Variants in CACNA1A observed in about 807,000 individuals in gnomAD.
CACNA1A encodes the protein voltage-dependent P/Q-type calcium channel subunit alpha-1A.
Under a neutral mutation model 262.4 loss-of-function variants are expected in CACNA1A, and 57 were observed. The ratio of observed to expected loss-of-function variants is 0.22; its 90% CI spans 0.18 to 0.27. The LOEUF (loss-of-function observed/expected upper bound fraction) is 0.27. CACNA1A is among the 10% of genes least tolerant of loss of function. The pLI is 1.00. For missense variants in CACNA1A, 2,526 were observed against 3,562.8 expected (o/e 0.71, Z 7.41); for synonymous variants, 1,431 against 1,419.3 (o/e 1.01, Z -0.18).
chr19:13,323,835 A>G (rs2058303092), intron 10 of CACNA1A, among the ~76,000 whole-genome samples: 1 of 152,154 alleles, frequency 6.6e-6, no homozygotes, highest in African/African-American at 2.4e-5. Flanking sequence ...TGTCCAAAAA[A>G]TCATTCCCGA....
chr19:13,504,334 G>A (rs1982756867), intron 1 of CACNA1A, among the ~76,000 whole-genome samples: 1 of 152,116 alleles, frequency 6.6e-6, no homozygotes, highest in South Asian at 2.1e-4. Flanking sequence ...GGGCACCAAC[G>A]GAGATGGCAT....
chr19:13,231,962 A>G, intron 34 of CACNA1A, 102 bp from the exon 35 acceptor site: 1 of 1,254,030 alleles, frequency 8.0e-7, no homozygotes, highest in Non-Finnish European at 1.1e-6. Context: ...TGGGCTCTGG[A>G]GCTGGCCAGG....
At chr19:13,216,140 C>A (rs2055002382) in intron 38 of CACNA1A, among the ~76,000 whole-genome samples, 1 of 151,950 alleles carries the variant, frequency 6.6e-6, no homozygotes, top group South Asian at 2.1e-4. Flanking sequence ...TGCCCTTGGC[C>A]TGCAGCCAGT....
intron 6 of CACNA1A, among the ~76,000 whole-genome samples, chr19:13,358,835 G>C (rs2059052371): frequency 6.6e-6 from 1 of 152,194 alleles, no homozygotes; most frequent in East Asian, 1.9e-4. Context: ...CACTTTGGAA[G>C]GTCAGGGTGG....
chr19:13,504,652 C>G (rs934599061), intron 1 of CACNA1A, among the ~76,000 whole-genome samples: 1 of 152,156 alleles, frequency 6.6e-6, no homozygotes, highest in African/African-American at 2.4e-5. Flanking sequence ...CCATCCAGCC[C>G]GTTCATTTTT....
chr19:13,240,033 C>T (rs1438883877), intron 31 of CACNA1A, among the ~76,000 whole-genome samples: 1 of 151,904 alleles, frequency 6.6e-6, no homozygotes, highest in Non-Finnish European at 1.5e-5. Flanking sequence ...TGCTTGTAAT[C>T]CCAGGTACTC....
intron 3 of CACNA1A, among the ~76,000 whole-genome samples, chr19:13,429,864 CAA>C (rs2060473197): frequency 1.3e-5 from 2 of 150,524 alleles, no homozygotes; most frequent in South Asian, 4.3e-4. Context: ...AAACCAGTCA[CAA>C]AAAGACAAAT....
At chr19:13,383,569 G>A (rs752479579) in intron 3 of CACNA1A, among the ~76,000 whole-genome samples, 5 of 152,060 alleles carry the variant, frequency 3.3e-5, no homozygotes, top group African/African-American at 7.2e-5. Context: ...ACAACACCCT[G>A]GCCACTCCGA....
Position 13,464,783 on chromosome 19 carries a change from T to C in CACNA1A, c.294-9571A>G, listed in dbSNP as rs532279788. ...CAGGGTGGTCTCGATCTCCTGACCT[T>C]GTGATCTGCCCACCTTGGCCTCCCA... On this transcript the variant is annotated intron_variant, in intron 1 of 46. Coordinates refer to ENST00000360228, the MANE Select transcript of CACNA1A (RefSeq NM_001127222.2). Among the ~76,000 whole-genome samples, 318 of 151,888 alleles carry C rather than the reference T, an allele frequency of 2.1e-3. 1 individual carries two copies. Among genetic ancestry groups the C allele is most frequent in the South Asian group, 5.8e-3 (28 of 4,818 alleles).
Position 13,286,602 on chromosome 19 carries a change from T to C in CACNA1A, c.3454A>G (p.Thr1152Ala). 1 of 1,501,252 alleles carries C rather than the reference T, an allele frequency of 6.7e-7. No homozygotes were observed. Among genetic ancestry groups the C allele is most frequent in the Non-Finnish European group, 8.9e-7 (1 of 1,126,672 alleles). 93.0% of individuals were successfully genotyped at this position (1,501,252 alleles called of 1,614,324 possible). The change falls in exon 20 of 47, where the codon ACC (threonine) becomes GCC (alanine). Residue 1152 changes from threonine to alanine, a missense_variant. This residue lies in a region of CACNA1A where 765 missense variants were observed against 748.6 expected (regional missense o/e 1.02). Transcript: ENST00000360228. ...GCAGTCTTAGCTGAATTGGTCTGGG[T>C]GCCGCTGGGGTTGGTGACGATAAGG... The part of the protein sequence containing the change: ...NSLIVTNPSG[T>A]QTNSAKTARK...
intron 6 of CACNA1A, among the ~76,000 whole-genome samples, chr19:13,345,381 A>G (rs1301744367): frequency 6.6e-5 from 10 of 152,098 alleles, no homozygotes. Flanking sequence ...CCGTACTTGC[A>G]TAGTATTTTA....
At chr19:13,293,514 C>T (rs1279948243) in intron 19 of CACNA1A, among the ~76,000 whole-genome samples, 5 of 135,582 alleles carry the variant, frequency 3.7e-5, no homozygotes, top group African/African-American at 5.5e-5. Flanking sequence ...GGTGCGATCT[C>T]GGCTCACTGC....
At chr19:13,278,340 GTTCCCCAAGATGC>G (rs1184041596) in intron 22 of CACNA1A, among the ~76,000 whole-genome samples, 1 of 152,108 alleles carries the variant, frequency 6.6e-6, no homozygotes, top group East Asian at 1.9e-4. Flanking sequence ...ACTTCCTTTT[GTTCCCCAAGATGC>G]TTCCACCTCA....
chr19:13,457,293 A>G (rs2061031008), intron 1 of CACNA1A, among the ~76,000 whole-genome samples: 1 of 152,028 alleles, frequency 6.6e-6, no homozygotes, highest in South Asian at 2.1e-4. Context: ...AAAAAACACC[A>G]GTGCAACTGC....
chr19:13,232,110 T>C (rs570120426), intron 34 of CACNA1A, among the ~76,000 whole-genome samples: 13 of 152,274 alleles, frequency 8.5e-5, no homozygotes, highest in East Asian at 1.9e-4. Flanking sequence ...TTGGATTCAG[T>C]TGGTCTAGGG....
chr19:13,392,122 G>C (rs903211738), intron 3 of CACNA1A, among the ~76,000 whole-genome samples: 1 of 151,784 alleles, frequency 6.6e-6, no homozygotes, highest in Non-Finnish European at 1.5e-5. Flanking sequence ...GAGGCAGGAC[G>C]ATACCTTGAG....
chr19:13,330,109 A>G (rs1600346359), intron 10 of CACNA1A, 135 bp downstream of exon 10: 7 of 618,764 alleles, frequency 1.1e-5, no homozygotes, highest in Non-Finnish European at 1.5e-5. Flanking sequence ...CCCAGGACAC[A>G]CGCACAGGTG....
chr19:13,214,396 C>G lies in CACNA1A; in HGVS notation c.5840-63G>C. The G allele has an allele frequency of 6.4e-7, 1 of 1,564,306 alleles. No homozygotes were observed. The highest frequency in any genetic ancestry group is 8.8e-7 in the Non-Finnish European group (1 of 1,139,042). On this transcript the variant is annotated intron_variant, in intron 39 of 46. Coordinates refer to ENST00000360228, the MANE Select transcript of CACNA1A (RefSeq NM_001127222.2). This position sits in a 1 kb window ranked among gnomAD's most constrained non-coding sequence, Gnocchi z 4.1. ...CCTCTTTGGGGCCCTTGTCCTGGGT[C>G]CCTGTGTATACCAGCCCAGGCCAAC...
intron 3 of CACNA1A, among the ~76,000 whole-genome samples, chr19:13,411,218 A>C (rs1422766366): frequency 6.6e-6 from 1 of 152,196 alleles, no homozygotes; most frequent in Admixed American, 6.5e-5. Flanking sequence ...CTGAGTTCCT[A>C]ATCTGCCCAC....
Sources: gnomAD v4.1 joint callset for allele counts (sites outside exome capture counted in the v4.1 genomes callset) on GRCh38, gnomAD v4.1.1 for gene constraint, gnomAD v4.1.1 regional missense constraint, Gnocchi (gnomAD v3.1) non-coding constraint, MANE v1.5 for transcripts, NCBI Gene and HGNC (gene_info 2026-07-23, HGNC 2026-07-21) for gene names.